PLEKHG4: variants seen among roughly 807,000 people sequenced by gnomAD.
The protein encoded by PLEKHG4 is pleckstrin homology and RhoGEF domain containing G4, also known as puratrophin-1.
In PLEKHG4, 85 loss-of-function variants were observed where a neutral mutation model predicts 136.9. That is an observed-to-expected ratio of 0.62 (90% CI 0.52 to 0.74). The LOEUF (loss-of-function observed/expected upper bound fraction) is 0.74, where lower values mean the gene tolerates loss of function less well. Ranked by LOEUF, PLEKHG4 falls within the 30% of genes least tolerant of loss-of-function variation. The probability of loss-of-function intolerance (pLI) is 0.00; values close to 1 mark genes in which losing one functional copy is unlikely to be tolerated. For missense variants in PLEKHG4, 1,317 were observed against 1,527.8 expected, an observed-to-expected ratio of 0.86 and a Z score of 2.30; for synonymous variants, 577 against 646.9, an observed-to-expected ratio of 0.89 and a Z score of 1.64.
Position 67,284,280 on chromosome 16 carries a change from G to A in PLEKHG4, c.1515G>A (p.Gln505=), listed in dbSNP as rs1277639133. ...FQELYQVAQE[Q]VRQGEKFLQP... ...CCTAGTCTCTGTCTCTGCAGGAGCA[G>A]GTCAGGCAAGGGGAGAAGTTTCTGC... The change falls in exon 12 of 22, where the codon CAG becomes CAA. Residue 505 remains glutamine (Q), a synonymous_variant. Coordinates refer to ENST00000379344, the MANE Select transcript of PLEKHG4 (RefSeq NM_001129729.3). The surrounding 1 kb of genome is among the most constrained non-coding windows in gnomAD (Gnocchi z 4.4). 1.9e-6 allele frequency: 3 copies of A among 1,613,680 alleles called. No individual in the cohort carries two copies. The highest frequency in any genetic ancestry group is 2.5e-6 in the Non-Finnish European group (3 of 1,179,942).
chr16:67,287,283 C>T lies in PLEKHG4; in HGVS notation c.3103+106C>T, dbSNP rs1043558314. The T allele has an allele frequency of 4.3e-6, 5 of 1,164,724 alleles. No individual in the cohort carries two copies. The South Asian group carries it at 6.3e-5, about 15-fold the overall frequency. 72.1% of individuals were successfully genotyped at this position (1,164,724 alleles called of 1,614,324 possible). On this transcript the variant is annotated intron_variant, in intron 18 of 21. Transcript: ENST00000379344. ...AAAAGCTCGGGAAGTGGGGAGAAGG[C>T]CCAGCGACAGCCACCAGTGCAGGAG...
Position 67,288,334 on chromosome 16 carries a change from T to C in PLEKHG4, c.3388T>C (p.Tyr1130His), listed in dbSNP as rs148879283. ...PALLGLRCPLYPSFPEEAALE... is the reference protein window; with the variant it reads ...PALLGLRCPLHPSFPEEAALE... The stretch of plus-strand genomic sequence containing the variant: ...TCTTCTGGGTCTCCGCTGTCCCCTG[T>C]ATCCCAGCTTCCCAGAGGAAGCAGC... The change falls in exon 20 of 22, where the codon TAT (tyrosine) becomes CAT (histidine). Residue 1130 changes from tyrosine (Y) to histidine (H), a missense_variant. Coordinates refer to ENST00000379344, the MANE Select transcript of PLEKHG4 (RefSeq NM_001129729.3). 6.8e-6 allele frequency: 11 copies of C among 1,612,076 alleles called. No individual in the cohort carries two copies. The African/African-American group carries it at 1.5e-4, about 22-fold the overall frequency.
chr16:67,284,773 G>A lies in PLEKHG4; in HGVS notation c.1753G>A (p.Gly585Arg), dbSNP rs2036387639. The A allele has an allele frequency of 3.7e-6, 6 of 1,613,792 alleles. No homozygotes were observed. Among genetic ancestry groups the A allele is most frequent in the Non-Finnish European group, 5.1e-6 (6 of 1,179,960 alleles). Residue 585 changes from glycine to arginine, a missense_variant, in exon 13 of 22, where the codon GGG becomes AGG. Transcript: ENST00000379344. This position sits in a 1 kb window ranked among gnomAD's most constrained non-coding sequence, Gnocchi z 4.4. ...GGCAGAGCTGGAGCAGGAACGCCCG[G>A]GGGTTGTGTTGCAGCAGCTGCAGCT... Reference protein sequence around the residue: ...VLAELEQERPGVVLQQLQLHW... With the variant: ...VLAELEQERPRVVLQQLQLHW...
Position 67,288,324 on chromosome 16 carries a change from C to T in PLEKHG4, c.3378C>T (p.Arg1126=). The change falls in exon 20 of 22, where the codon CGC becomes CGT. Residue 1126 remains arginine, a synonymous_variant. Coordinates refer to ENST00000379344, the MANE Select transcript of PLEKHG4 (RefSeq NM_001129729.3). The part of the protein sequence containing the change: ...LYRDPALLGL[R]CPLYPSFPEE... ...GAGACCCAGCTCTTCTGGGTCTCCG[C>T]TGTCCCCTGTATCCCAGCTTCCCAG... 1 of 1,612,350 alleles carries T rather than the reference C, an allele frequency of 6.2e-7. No homozygotes were observed. The highest frequency in any genetic ancestry group is 1.1e-5 in the South Asian group (1 of 91,088).
chr16:67,281,933 C>T, intron 7 of PLEKHG4, 76 bp from the exon 8 acceptor site: 1 of 1,536,168 alleles, frequency 6.5e-7, no homozygotes, highest in Non-Finnish European at 9.0e-7. Flanking sequence ...ACAAAGCTGG[C>T]TGCAGTGGCC....
chr16:67,287,856 T>C, intron 18 of PLEKHG4, 42 bp from the exon 19 acceptor site: 2 of 1,313,678 alleles, frequency 1.5e-6, no homozygotes, highest in Non-Finnish European at 2.2e-6. Flanking sequence ...AAGGACAGGC[T>C]TATGTCCAGA....
chr16:67,280,905 G>A lies in PLEKHG4; in HGVS notation c.619G>A (p.Ala207Thr), dbSNP rs1597376138. 4 of 1,612,922 alleles carry A rather than the reference G, an allele frequency of 2.5e-6. No homozygotes were observed. The highest frequency in any genetic ancestry group is 3.4e-6 in the Non-Finnish European group (4 of 1,180,022). ...AGGGACTCGGGATGTCCAAGGCCGG[G>A]CAGTGCTGCTTCTGTGTGCCCACAG... is the stretch of plus-strand genomic sequence containing the variant. ...LPGTRDVQGRAVLLLCAHSPA... is the reference protein window; with the variant it reads ...LPGTRDVQGRTVLLLCAHSPA... The change falls in exon 4 of 22, where the codon GCA becomes ACA. Residue 207 changes from alanine (A) to threonine (T), a missense_variant. Transcript: ENST00000379344. The surrounding 1 kb of genome is among the most constrained non-coding windows in gnomAD (Gnocchi z 4.4).
In PLEKHG4 at chr16:67,279,980, C is replaced by T; in HGVS notation, c.-65C>T. 1 of 1,530,360 alleles carries T rather than the reference C, an allele frequency of 6.5e-7. No homozygotes were observed. The highest frequency in any genetic ancestry group is 8.9e-7 in the Non-Finnish European group (1 of 1,121,624). 94.8% of individuals were successfully genotyped at this position (1,530,360 alleles called of 1,614,324 possible). A position where few individuals can be genotyped will look rare whatever the true frequency, so the allele number is the denominator to read the frequency against. On this transcript the variant is annotated 5_prime_UTR_variant, in exon 2 of 22. Transcript: ENST00000379344. ...GAGTCCCACTCGACTGTCTTCAGCG[C>T]GGTTCACACTGAGACCCAGCCCTCT...
At position 67,284,796 on chromosome 16, in the gene PLEKHG4, G is replaced by A; in HGVS notation, c.1776G>A (p.Gln592=). The stretch of plus-strand genomic sequence containing the variant: ...CGGGGGTTGTGTTGCAGCAGCTGCA[G>A]CTGCACTGGACCAGGCACCCTGACT... ...ERPGVVLQQL[Q]LHWTRHPDLP... is the part of the protein sequence containing the mutation. Residue 592 remains glutamine, a synonymous_variant, in exon 13 of 22, where the codon CAG becomes CAA. Coordinates refer to ENST00000379344, the MANE Select transcript of PLEKHG4 (RefSeq NM_001129729.3). This position sits in a 1 kb window ranked among gnomAD's most constrained non-coding sequence, Gnocchi z 4.4. 1 of 1,613,752 alleles carries A rather than the reference G, an allele frequency of 6.2e-7. No homozygotes were observed. Among genetic ancestry groups the A allele is most frequent in the Non-Finnish European group, 8.5e-7 (1 of 1,179,904 alleles).
rs1351247501 is a variant in PLEKHG4 at position 67,282,675 on chromosome 16, C to T, written c.1392+34C>T. 8 of 1,613,474 alleles carry T rather than the reference C, an allele frequency of 5.0e-6. No homozygotes were observed. The Admixed American group carries it at 1.2e-4, about 24-fold the overall frequency. The stretch of plus-strand genomic sequence containing the variant: ...TACTTGCCCAGAGTGGGCCCTGCCC[C>T]GATCTCAGACGTGAGCCCCCAGTCC... On this transcript the variant is annotated intron_variant, in intron 10 of 21. Transcript: ENST00000379344.
intron 5 of PLEKHG4, 73 bp from the exon 6 acceptor site, chr16:67,281,494 G>A (rs986895449): frequency 1.8e-5 from 23 of 1,313,332 alleles, no homozygotes; most frequent in Middle Eastern, 3.9e-4. Flanking sequence ...CCAGAGTGCC[G>A]CAATTACAGG....
At position 67,289,404 on chromosome 16, in the gene PLEKHG4, C is replaced by G. The variant is rs2036638231; in HGVS notation, c.*596C>G. On this transcript the variant is annotated 3_prime_UTR_variant, in exon 22 of 22. Coordinates refer to ENST00000379344, the MANE Select transcript of PLEKHG4 (RefSeq NM_001129729.3). ...TTACTGGTTGTTAGGCCTTTGGTGT[C>G]TCAGAGAAGGAGTCTAGGTCTTTGA... 2.0e-6 allele frequency: 1 copy of G among 507,770 alleles called. No individual in the cohort carries two copies. Among genetic ancestry groups the G allele is most frequent in the East Asian group, 3.1e-5 (1 of 32,354 alleles). 31.5% of individuals were successfully genotyped at this position (507,770 alleles called of 1,614,324 possible).
Position 67,288,834 on chromosome 16 carries a change from CCAGCAGCCTG to C in PLEKHG4, c.*31_*40del, listed in dbSNP as rs763462517. The C allele has an allele frequency of 6.2e-7, 1 of 1,612,764 alleles. No homozygotes were observed. The highest frequency in any genetic ancestry group is 8.5e-7 in the Non-Finnish European group (1 of 1,179,356). ...GCCCGGGACTGGACGAGCAGTAGAT[CCAGCAGCCTG>C]CAGCTCCAAGGAACATTGCCTCTCT... is the stretch of plus-strand genomic sequence containing the variant. On this transcript the variant is annotated 3_prime_UTR_variant, in exon 22 of 22. Transcript: ENST00000379344.
rs960603189 is a variant in PLEKHG4, at chr16:67,280,193, G to C, written c.149G>C (p.Arg50Thr). Residue 50 changes from arginine to threonine, a missense_variant, in exon 2 of 22, where the codon AGA becomes ACA. Physicochemically the swap from Arg to Thr is moderately conservative, Grantham distance 71. Transcript: ENST00000379344. The surrounding 1 kb of genome is among the most constrained non-coding windows in gnomAD (Gnocchi z 4.4). ...QMHVKDPGPP[R>T]PPAGATQDEE... Reference sequence around the variant, plus strand: ...CACGTTAAGGACCCAGGTCCTCCAAGACCACCAGCCGGGGCCACCCAGGAT... The same window carrying C: ...CACGTTAAGGACCCAGGTCCTCCAACACCACCAGCCGGGGCCACCCAGGAT... 1.2e-6 allele frequency: 2 copies of C among 1,613,792 alleles called. No individual in the cohort carries two copies. The highest frequency in any genetic ancestry group is 2.7e-5 in the African/African-American group (2 of 74,946).
chr16:67,284,223 G>C lies in PLEKHG4; in HGVS notation c.1510-52G>C. ...TGTCAGCAGGAAGTATCTGAGTCTG[G>C]GGGCTAGACCGCCAGGCCTGGGCTG... On this transcript the variant is annotated intron_variant, in intron 11 of 21. Coordinates refer to ENST00000379344, the MANE Select transcript of PLEKHG4 (RefSeq NM_001129729.3). The surrounding 1 kb of genome is among the most constrained non-coding windows in gnomAD (Gnocchi z 4.4). 2 of 1,536,184 alleles carry C rather than the reference G, an allele frequency of 1.3e-6. No individual in the cohort carries two copies. Among genetic ancestry groups the C allele is most frequent in the South Asian group, 2.3e-5 (2 of 87,580 alleles).
Position 67,279,595 on chromosome 16 carries a change from C to T in PLEKHG4, c.-201C>T, listed in dbSNP as rs2036114842. On this transcript the variant is annotated 5_prime_UTR_variant, in exon 1 of 22. Coordinates refer to ENST00000379344, the MANE Select transcript of PLEKHG4 (RefSeq NM_001129729.3). ...CGCCGTCTGTTCGAAGGCTGTCCGA[C>T]TTCACGGTTCCCCGCGGCTCGGCCC... 6.5e-6 allele frequency: 1 copy of T among 153,914 alleles called. No homozygotes were observed. Among genetic ancestry groups the T allele is most frequent in the Non-Finnish European group, 1.4e-5 (1 of 69,242 alleles). The allele number at this position is 153,914 out of a possible 1,614,324, so 9.5% of individuals were successfully genotyped here.
At chr16:67,282,958 A>G in intron 11 of PLEKHG4, 100 bp downstream of exon 11, 1 of 858,078 alleles carries the variant, frequency 1.2e-6, no homozygotes, top group Non-Finnish European at 2.0e-6. Context: ...TTGCTTTCTT[A>G]GACCTTATAG....
chr16:67,289,029 C>T lies in PLEKHG4; in HGVS notation c.*221C>T. On this transcript the variant is annotated 3_prime_UTR_variant, in exon 22 of 22. Transcript: ENST00000379344. ...GTAGAGCCTGAATAGGCTCCTGGCC[C>T]CATGACCCCTTCTCCTGTCCCCAGC... is the stretch of plus-strand genomic sequence containing the variant. 1 of 647,492 alleles carries T rather than the reference C, an allele frequency of 1.5e-6. No individual in the cohort carries two copies. The highest frequency in any genetic ancestry group is 1.7e-5 in the South Asian group (1 of 57,596). The allele number at this position is 647,492 out of a possible 1,614,324, so 40.1% of individuals were successfully genotyped here.
chr16:67,284,764 G>A lies in PLEKHG4; in HGVS notation c.1744G>A (p.Glu582Lys), dbSNP rs755689221. The A allele has an allele frequency of 3.5e-5, 57 of 1,613,908 alleles. No individual in the cohort carries two copies. In the South Asian group the frequency reaches 6.0e-4, roughly 17 times the overall value. ...GCGAGTGTTGGCAGAGCTGGAGCAG[G>A]AACGCCCGGGGGTTGTGTTGCAGCA... Reference protein sequence around the residue: ...GQRVLAELEQERPGVVLQQLQ... With the variant: ...GQRVLAELEQKRPGVVLQQLQ... The change falls in exon 13 of 22, where the codon GAA becomes AAA. Residue 582 changes from glutamate to lysine, a missense_variant. Coordinates refer to ENST00000379344, the MANE Select transcript of PLEKHG4 (RefSeq NM_001129729.3). This position sits in a 1 kb window ranked among gnomAD's most constrained non-coding sequence, Gnocchi z 4.4.
Sources: gnomAD v4.1 joint callset for allele counts on GRCh38, gnomAD v4.1.1 for gene constraint, Gnocchi (gnomAD v3.1) non-coding constraint, MANE v1.5 for transcripts, NCBI Gene and HGNC (gene_info 2026-07-23, HGNC 2026-07-21) for gene names.